Variants in RTTN observed in about 807,000 individuals in gnomAD.
The protein encoded by RTTN is rotatin.
Under a neutral mutation model 269.2 loss-of-function variants are expected in RTTN, and 182 were observed. That is an observed-to-expected ratio of 0.68 (90% CI 0.60 to 0.76). The LOEUF (loss-of-function observed/expected upper bound fraction) is 0.76, where lower values mean the gene tolerates loss of function less well. Ranked by LOEUF, RTTN falls within the 30% of genes least tolerant of loss-of-function variation. The pLI, the probability that RTTN is intolerant of heterozygous loss-of-function variation, is 0.00. For synonymous variants in RTTN, 1,006 were observed against 963.5 expected (o/e 1.04, Z -0.82); for missense variants, 2,545 against 2,608.6 (o/e 0.98, Z 0.53).
intron 10 of RTTN, among the ~76,000 whole-genome samples, chr18:70,184,708 T>G (rs989029453): frequency 0.049 from 2,870 of 58,478 alleles, 175 homozygotes; most frequent in African/African-American, 0.13. Context: ...AGCAGGTTTT[T>G]TTTTTTTTTG....
Position 70,205,175 on chromosome 18 carries a change from C to T in RTTN, c.172G>A (p.Val58Ile), listed in dbSNP as rs779827162. The T allele has an allele frequency of 6.2e-7, 1 of 1,614,112 alleles. No individual in the cohort carries two copies. Among genetic ancestry groups the T allele is most frequent in the African/African-American group, 1.3e-5 (1 of 74,932 alleles). The part of the protein sequence containing the change: ...HLLEWFNFPS[V>I]PMKEEVLNLL... ...TTCAGAACCTCTTCCTTCATCGGAA[C>T]GGACGGGAAATTGAACCATTCCAGC... is the stretch of plus-strand genomic sequence containing the variant. The change falls in exon 2 of 49, where the codon GTT becomes ATT. Residue 58 changes from valine (V) to isoleucine (I), a missense_variant. Val to Ile is a conservative substitution (Grantham distance 29, BLOSUM62 3). Transcript: ENST00000640769.
rs772233507 is a variant in RTTN at position 70,092,254 on chromosome 18, G to GA, written c.4033-35_4033-34insT. 1.1e-4 allele frequency: 141 copies of GA among 1,310,046 alleles called. No homozygotes were observed. In the East Asian group the frequency reaches 3.0e-3, roughly 28 times the overall value. 81.2% of individuals were successfully genotyped at this position (1,310,046 alleles called of 1,614,324 possible). On this transcript the variant is annotated intron_variant, in intron 29 of 48. Transcript: ENST00000640769. ...AAAAAAGGGAAACAGAAATATTTGA[G>GA]GTAAGTTTCTAAAAATAAAATGCAG... is the stretch of plus-strand genomic sequence containing the variant.
chr18:70,048,288 T>C lies in RTTN; in HGVS notation c.5324-100A>G, dbSNP rs2057550760. 4.7e-5 allele frequency: 52 copies of C among 1,095,408 alleles called. 2 individuals carry two copies. In the South Asian group the frequency reaches 7.2e-4, roughly 15 times the overall value. The allele number at this position is 1,095,408 out of a possible 1,614,324, so 67.9% of individuals were successfully genotyped here. ...TAAAGTAACTATACTCTGGATCATC[T>C]AGATTACCAACTTGTGTGATTGTGT... On this transcript the variant is annotated intron_variant, in intron 39 of 48. Coordinates refer to ENST00000640769, the MANE Select transcript of RTTN (RefSeq NM_173630.4).
rs562113222 is a variant in RTTN at position 70,021,616 on chromosome 18, A to C, written c.5951-799T>G. Among the ~76,000 whole-genome samples the C allele has an allele frequency of 5.3e-5, 8 of 152,330 alleles. No individual in the cohort carries two copies. The East Asian group carries it at 1.5e-3, about 29-fold the overall frequency. On this transcript the variant is annotated intron_variant, in intron 44 of 48. Coordinates refer to ENST00000640769, the MANE Select transcript of RTTN (RefSeq NM_173630.4). ...AAATGCACTGAAAGGAGACATTCCC[A>C]CCAGACCTAAGGAATGGAGAAAGTT...
intron 17 of RTTN, among the ~76,000 whole-genome samples, chr18:70,147,662 G>A (rs1023190323): frequency 3.3e-5 from 5 of 152,016 alleles, no homozygotes; most frequent in Non-Finnish European, 7.4e-5. Context: ...AATACAATAA[G>A]GAAAACAAAT....
At chr18:70,051,673 A>C (rs897799393) in intron 38 of RTTN, 125 bp from the exon 39 acceptor site, 4 of 602,114 alleles carry the variant, frequency 6.6e-6, no homozygotes, top group South Asian at 3.4e-5. Context: ...TATCAAATGA[A>C]GACAAATCTA....
intron 37 of RTTN, among the ~76,000 whole-genome samples, chr18:70,055,602 A>G (rs762015075): frequency 1.1e-4 from 16 of 152,292 alleles, no homozygotes; most frequent in Non-Finnish European, 2.4e-4. Flanking sequence ...TTGAGACTTC[A>G]TATTACATTC....
intron 38 of RTTN, among the ~76,000 whole-genome samples, chr18:70,052,646 A>G (rs1401633468): frequency 3.4e-5 from 5 of 148,918 alleles, no homozygotes; most frequent in Admixed American, 1.3e-4. Flanking sequence ...ATTTACTTAT[A>G]TATATATATC....
chr18:70,165,234 C>T (rs1030508069), intron 14 of RTTN, among the ~76,000 whole-genome samples: 3 of 151,682 alleles, frequency 2.0e-5, no homozygotes, highest in African/African-American at 7.3e-5. Context: ...ATGAACTAGG[C>T]AAATCTCAAA....
intron 17 of RTTN, among the ~76,000 whole-genome samples, chr18:70,148,126 A>G (rs1206854955): frequency 6.6e-6 from 1 of 152,090 alleles, no homozygotes; most frequent in Non-Finnish European, 1.5e-5. Context: ...AAGCTGCTGT[A>G]TTTTCCTGAT....
At chr18:70,104,541 G>C (rs2059268998) in intron 28 of RTTN, among the ~76,000 whole-genome samples, 1 of 152,198 alleles carries the variant, frequency 6.6e-6, no homozygotes, top group African/African-American at 2.4e-5. Context: ...TGCTGACAAG[G>C]AGCTGTGTTC....
chr18:70,032,672 C>T (rs542130324), intron 40 of RTTN, among the ~76,000 whole-genome samples: 4 of 152,310 alleles, frequency 2.6e-5, no homozygotes, highest in African/African-American at 9.6e-5. Flanking sequence ...CATCCAGATT[C>T]ATAAAGCAAG....
Position 70,054,225 on chromosome 18 carries a change from C to G in RTTN, c.5091G>C (p.Leu1697Phe), listed in dbSNP as rs2057753023. ...CCTGAATCACAAGGTCAGGCTCCAC[C>G]AATAAACATGACTGCAGAAGCCTGG... The part of the protein sequence containing the change: ...SLSRLLQSCL[L>F]VEPDLVIQDE... The change falls in exon 38 of 49, where the codon TTG becomes TTC. Residue 1697 changes from leucine to phenylalanine, a missense_variant. Transcript: ENST00000640769. The G allele has an allele frequency of 6.2e-7, 1 of 1,613,692 alleles. No homozygotes were observed. Among genetic ancestry groups the G allele is most frequent in the Non-Finnish European group, 8.5e-7 (1 of 1,179,898 alleles).
intron 10 of RTTN, among the ~76,000 whole-genome samples, chr18:70,182,943 T>C (rs1438046850): frequency 6.6e-6 from 1 of 152,210 alleles, no homozygotes; most frequent in East Asian, 1.9e-4. Context: ...TGATCCAGAA[T>C]TTTCACTCTA....
At chr18:70,006,145 AAGTC>A (rs1276817572) in intron 47 of RTTN, 2 of 383,992 alleles carry the variant, frequency 5.2e-6, no homozygotes, top group African/African-American at 2.0e-5. Context: ...TAAGAGGAAA[AAGTC>A]AGTTCAGAGA....
At chr18:70,061,866 G>GCTCCAAATATAATCCAACA (rs1337746838) in intron 35 of RTTN, among the ~76,000 whole-genome samples, 15 of 152,068 alleles carry the variant, frequency 9.9e-5, no homozygotes, top group Non-Finnish European at 1.9e-4. Flanking sequence ...CATACTGAAA[G>GCTCCAAATATAATCCAACA]CTCCAAATAT....
intron 34 of RTTN, among the ~76,000 whole-genome samples, chr18:70,071,307 A>C (rs892857652): frequency 6.6e-6 from 1 of 152,208 alleles, no homozygotes; most frequent in Non-Finnish European, 1.5e-5. Flanking sequence ...TTCCAGAAAA[A>C]AGTTTGAAAG....
intron 40 of RTTN, among the ~76,000 whole-genome samples, chr18:70,039,005 G>T (rs114026935): frequency 0.016 from 2,498 of 152,178 alleles, 68 homozygotes; most frequent in African/African-American, 0.057. Context: ...TAAACTTGAA[G>T]GCAAGCTATT....
At chr18:70,035,532 T>A (rs2057146442) in intron 40 of RTTN, among the ~76,000 whole-genome samples, 1 of 152,316 alleles carries the variant, frequency 6.6e-6, no homozygotes, top group African/African-American at 2.4e-5. Flanking sequence ...ACTGGACCCC[T>A]TCCTTACATA....
Sources: gnomAD v4.1 joint callset for allele counts (sites outside exome capture counted in the v4.1 genomes callset) on GRCh38, gnomAD v4.1.1 for gene constraint, MANE v1.5 for transcripts, NCBI Gene and HGNC (gene_info 2026-07-23, HGNC 2026-07-21) for gene names.